Variants in COL5A1 observed in about 807,000 individuals in gnomAD.
The protein encoded by COL5A1 is collagen type V alpha 1 chain, also known as collagen alpha-1(V) chain.
Under a neutral mutation model 263.7 loss-of-function variants are expected in COL5A1, and 16 were observed. The ratio of observed to expected loss-of-function variants is 0.06; its 90% confidence interval spans 0.04 to 0.09. The LOEUF is 0.09. Among genes scored for constraint, COL5A1 ranks in the 10% least tolerant of loss-of-function variants. The probability of loss-of-function intolerance (pLI) is 1.00; values close to 1 mark genes in which losing one functional copy is unlikely to be tolerated. For synonymous variants in COL5A1, 1,012 were observed against 1,004.5 expected, an observed-to-expected ratio of 1.01 and a Z score of -0.14; for missense variants, 2,036 against 2,540.5, an observed-to-expected ratio of 0.80 and a Z score of 4.27.
chr9:134,713,867 C>T (rs1834154699), intron 4 of COL5A1, among the ~76,000 whole-genome samples: 1 of 152,110 alleles, frequency 6.6e-6, no homozygotes, highest in African/African-American at 2.4e-5. Context: ...GAGTGGGTGG[C>T]CCCAGTGTGG....
chr9:134,779,911 CCCA>C (rs1837189262), intron 27 of COL5A1, among the ~76,000 whole-genome samples, 188 bp from the exon 28 acceptor site: 1 of 152,096 alleles, frequency 6.6e-6, no homozygotes, highest in Non-Finnish European at 1.5e-5. Context: ...GTGGAGTCAG[CCCA>C]GGAATTGTGG....
chr9:134,805,402 G>A (rs1345358197), intron 41 of COL5A1, among the ~76,000 whole-genome samples, 188 bp downstream of exon 41: 1 of 152,206 alleles, frequency 6.6e-6, no homozygotes, highest in Non-Finnish European at 1.5e-5. Context: ...CCAGGATGAC[G>A]AAGGGTCCCA....
chr9:134,677,829 G>A lies in COL5A1; in HGVS notation c.110-13083G>A, dbSNP rs1832722477. 6.6e-6 allele frequency among the ~76,000 whole-genome samples: 1 copy of A among 152,232 alleles called. No homozygotes were observed. The highest frequency in any genetic ancestry group is 6.5e-5 in the Admixed American group (1 of 15,288). On this transcript the variant is annotated intron_variant, in intron 1 of 65. Transcript: ENST00000371817. This position sits in a 1 kb window ranked among gnomAD's most constrained non-coding sequence, Gnocchi z 4.4. ...AGTGGATGCGGGAGGACTGTGAATA[G>A]GCTGCTTTCTCCACAGCTGCCTGGA... is the stretch of plus-strand genomic sequence containing the variant.
intron 6 of COL5A1, 138 bp from the exon 7 acceptor site, chr9:134,730,098 G>A (rs567650714): frequency 1.7e-5 from 23 of 1,319,680 alleles, no homozygotes; most frequent in African/African-American, 2.8e-5. Flanking sequence ...CACCCAAGAG[G>A]TCTCTGGGCC....
chr9:134,828,685 CCA>C (rs1362432647), intron 63 of COL5A1, among the ~76,000 whole-genome samples: 3 of 151,834 alleles, frequency 2.0e-5, no homozygotes, highest in Non-Finnish European at 2.9e-5. Context: ...GCCATACACA[CCA>C]CACATACCAC....
chr9:134,760,432 CAT>C (rs1488604707), intron 18 of COL5A1, among the ~76,000 whole-genome samples: 1 of 115,138 alleles, frequency 8.7e-6, no homozygotes, highest in African/African-American at 3.7e-5. Context: ...ACACACCACA[CAT>C]GCACACACAT....
chr9:134,769,668 G>C (rs1461304681), intron 25 of COL5A1, among the ~76,000 whole-genome samples: 2 of 152,218 alleles, frequency 1.3e-5, no homozygotes, highest in Admixed American at 6.5e-5. Context: ...TGGGGACAGT[G>C]GCTGGGCCCA....
rs1236842382 is a variant in COL5A1 at position 134,696,106 on chromosome 9, C to T, written c.278-3803C>T. ...CCTGTCCAAAGTTAGCCACACCCCG[C>T]ATTCATTTCCTATCCTCTGACCTCT... On this transcript the variant is annotated intron_variant, in intron 2 of 65. Transcript: ENST00000371817. The surrounding 1 kb of genome is among the most constrained non-coding windows in gnomAD (Gnocchi z 4.3). Among the ~76,000 whole-genome samples the T allele has an allele frequency of 6.6e-6, 1 of 152,128 alleles. No individual in the cohort carries two copies. The highest frequency in any genetic ancestry group is 1.5e-5 in the Non-Finnish European group (1 of 68,022).
intron 57 of COL5A1, 121 bp from the exon 58 acceptor site, chr9:134,819,995 A>G: frequency 1.2e-6 from 1 of 811,902 alleles, no homozygotes; most frequent in Non-Finnish European, 2.2e-6. Flanking sequence ...CTTCCAGGGG[A>G]GGCTGACCAT....
chr9:134,828,627 CCA>C (rs879698086), intron 63 of COL5A1, among the ~76,000 whole-genome samples: 3,701 of 139,382 alleles, frequency 0.027, 129 homozygotes, highest in African/African-American at 0.083. Context: ...CACACACATA[CCA>C]CACACACGAT....
Position 134,652,870 on chromosome 9 carries a change from G to A in COL5A1, c.109+10574G>A. On this transcript the variant is annotated intron_variant, in intron 1 of 65. Transcript: ENST00000371817. This position sits in a 1 kb window ranked among gnomAD's most constrained non-coding sequence, Gnocchi z 4.4. ...AAGGCACAGATTGTTTCTGACTCAG[G>A]AGGCCTTGGGTGGGCCCAGGAAACT... 2.7e-6 allele frequency: 1 copy of A among 366,532 alleles called. No homozygotes were observed. The highest frequency in any genetic ancestry group is 2.1e-5 in the African/African-American group (1 of 46,846). The allele number at this position is 366,532 out of a possible 1,614,324, so 22.7% of individuals were successfully genotyped here.
chr9:134,788,831 G>T (rs1837566264), intron 31 of COL5A1, among the ~76,000 whole-genome samples: 1 of 143,116 alleles, frequency 7.0e-6, no homozygotes, highest in African/African-American at 2.6e-5. Flanking sequence ...TGGGAGGATA[G>T]GTAGACAGGC....
Position 134,750,849 on chromosome 9 carries a change from G to C in COL5A1, c.1629G>C (p.Glu543Asp). 6.2e-7 allele frequency: 1 copy of C among 1,613,060 alleles called. No individual in the cohort carries two copies. Among genetic ancestry groups the C allele is most frequent in the Non-Finnish European group, 8.5e-7 (1 of 1,180,008 alleles). The change falls in exon 13 of 66, where the codon GAG (glutamate) becomes GAC (aspartate). Residue 543 changes from glutamate (E) to aspartate (D), a missense_variant. By Grantham distance (45) the Glu-to-Asp change is conservative (BLOSUM62 2). Coordinates refer to ENST00000371817, the MANE Select transcript of COL5A1 (RefSeq NM_000093.5). Reference sequence around the variant, plus strand: ...AAGGCCCCATGGTCTCAGCCCAGGAGTCCCAGGCGCAAGCCATTCTCCAGC... The same window carrying C: ...AAGGCCCCATGGTCTCAGCCCAGGACTCCCAGGCGCAAGCCATTCTCCAGC... ...GSKGPMVSAQ[E>D]SQAQAILQQA...
At chr9:134,665,237 T>G (rs556612453) in intron 1 of COL5A1, among the ~76,000 whole-genome samples, 1 of 152,280 alleles carries the variant, frequency 6.6e-6, no homozygotes, top group East Asian at 1.9e-4. Context: ...CACATACTCT[T>G]TGACCAGCAT....
intron 4 of COL5A1, among the ~76,000 whole-genome samples, chr9:134,721,125 C>T (rs1385289291): frequency 6.6e-6 from 1 of 152,098 alleles, no homozygotes; most frequent in Non-Finnish European, 1.5e-5. Context: ...TCACATCTTT[C>T]ATCAGTCTAG....
At chr9:134,694,896 G>A (rs939716940) in intron 2 of COL5A1, among the ~76,000 whole-genome samples, 2 of 152,170 alleles carry the variant, frequency 1.3e-5, no homozygotes, top group Non-Finnish European at 2.9e-5. Flanking sequence ...CTCACCAGGC[G>A]GCCCGAGCTC....
At position 134,824,607 on chromosome 9, in the gene COL5A1, C is replaced by T. The variant is rs1297565068; in HGVS notation, c.4706C>T (p.Pro1569Leu). 1.3e-5 allele frequency: 21 copies of T among 1,613,874 alleles called. No homozygotes were observed. The highest frequency in any genetic ancestry group is 2.7e-5 in the African/African-American group (2 of 74,932). ...HPGPPGPPGPPGEVIQPLPIQ... is the reference protein window; with the variant it reads ...HPGPPGPPGPLGEVIQPLPIQ... ...TCCTGTTCTGTCCCCCAGGGCCCCC[C>T]GGGAGAGGTCATCCAGCCCCTGCCA... The change falls in exon 62 of 66, where the codon CCG becomes CTG. Residue 1569 changes from proline to leucine, a missense_variant. Around this residue, in one of 3 missense-constraint regions of COL5A1, gnomAD observed 358 missense variants for 384.6 expected, o/e 0.93. Transcript: ENST00000371817.
chr9:134,780,639 G>C (rs879428131), intron 28 of COL5A1, among the ~76,000 whole-genome samples: 1 of 152,252 alleles, frequency 6.6e-6, no homozygotes, highest in Non-Finnish European at 1.5e-5. Flanking sequence ...GCCATGGTCC[G>C]TGGGGGCAGG....
At chr9:134,675,182 T>C (rs929617840) in intron 1 of COL5A1, among the ~76,000 whole-genome samples, 47 of 152,318 alleles carry the variant, frequency 3.1e-4, no homozygotes, top group African/African-American at 1.1e-3. Context: ...GCGTTTTGAT[T>C]AAGCATTTGT....
Sources: allele counts gnomAD v4.1 joint callset (sites outside exome capture counted in the v4.1 genomes callset), GRCh38; gene constraint gnomAD v4.1.1; regional missense constraint gnomAD v4.1.1; non-coding constraint Gnocchi (gnomAD v3.1); transcripts MANE v1.5; gene names NCBI Gene and HGNC (gene_info 2026-07-23, HGNC 2026-07-21).